Variants in KAZN observed in about 807,000 individuals in gnomAD.
The protein encoded by KAZN is kazrin, periplakin interacting protein.
KAZN carries 40 observed loss-of-function variants against 87.4 expected under a neutral mutation model. That is an observed-to-expected ratio of 0.46 (90% CI 0.36 to 0.60). The LOEUF is 0.60. Among genes scored for constraint, KAZN ranks in the 20% least tolerant of loss-of-function variants. The pLI is 0.00. For synonymous variants in KAZN, 466 were observed against 458.3 expected, an observed-to-expected ratio of 1.02 and a Z score of -0.22; for missense variants, 898 against 1,073.9, an observed-to-expected ratio of 0.84 and a Z score of 2.29.
At chr1:14,433,173 T>G (rs1055531849) in intron 2 of KAZN, among the ~76,000 whole-genome samples, 19 of 152,168 alleles carry the variant, frequency 1.2e-4, no homozygotes, top group Non-Finnish European at 1.2e-4. Context: ...TGCAGACACC[T>G]GTGACGCCAC....
chr1:14,379,684 A>T (rs944511132), intron 2 of KAZN, among the ~76,000 whole-genome samples: 1 of 152,038 alleles, frequency 6.6e-6, no homozygotes, highest in Non-Finnish European at 1.5e-5. Context: ...AAAGAATGGG[A>T]AGGACTGTGT....
At chr1:14,433,570 ACAG>A (rs1666205552) in intron 2 of KAZN, among the ~76,000 whole-genome samples, 1 of 152,176 alleles carries the variant, frequency 6.6e-6, no homozygotes, top group Non-Finnish European at 1.5e-5. Flanking sequence ...CTAAAAAGAG[ACAG>A]CAGGCTGGGC....
intron 1 of KAZN, among the ~76,000 whole-genome samples, chr1:13,906,733 A>G (rs562052456): frequency 1.3e-5 from 2 of 152,186 alleles, no homozygotes; most frequent in Non-Finnish European, 2.9e-5. Context: ...TGTCTCAGGG[A>G]CTCACTCTGT....
chr1:14,489,482 CAA>C (rs1256590442), intron 2 of KAZN, among the ~76,000 whole-genome samples: 1 of 152,060 alleles, frequency 6.6e-6, no homozygotes, highest in African/African-American at 2.4e-5. Context: ...GTAATCCTAA[CAA>C]ACACTTTGAG....
Position 14,090,879 on chromosome 1 carries a change from C to T in KAZN, c.92-89556C>T, listed in dbSNP as rs141873013. 4.0e-3 allele frequency among the ~76,000 whole-genome samples: 601 copies of T among 152,086 alleles called. 10 individuals carry two copies. The South Asian group carries it at 0.066, about 17-fold the overall frequency. ...CTGTAATCCCAGCACTTTGGGAGGC[C>T]GCGGTGGGTGGATCAAGAGGTCAGG... On this transcript the variant is annotated intron_variant, in intron 1 of 16. Coordinates refer to the KAZN transcript ENST00000636203.
intron 2 of KAZN, among the ~76,000 whole-genome samples, chr1:14,578,354 T>C (rs570735780): frequency 2.6e-4 from 40 of 152,132 alleles, no homozygotes; most frequent in African/African-American, 7.2e-5. Flanking sequence ...GCCCGTGATA[T>C]TTCAGTCCCT....
intron 1 of KAZN, among the ~76,000 whole-genome samples, chr1:14,016,046 C>T (rs1640556925): frequency 6.6e-6 from 1 of 152,100 alleles, no homozygotes; most frequent in African/African-American, 2.4e-5. Flanking sequence ...CTCTATGTCT[C>T]TTTAAGAATG....
Position 15,096,473 on chromosome 1 carries a change from G to A in KAZN, c.1547+1540G>A, listed in dbSNP as rs551745706. Among the ~76,000 whole-genome samples, 29 of 152,292 alleles carry A rather than the reference G, an allele frequency of 1.9e-4. No individual in the cohort carries two copies. In the East Asian group the frequency reaches 4.3e-3, roughly 22 times the overall value. ...TGCGGCCTGCCCAGCCCCTGCCCCC[G>A]ACAGCCTCGTCCCCCAGCATGGCCT... On this transcript the variant is annotated intron_variant, in intron 10 of 14. Transcript: ENST00000376030. The surrounding 1 kb of genome is among the most constrained non-coding windows in gnomAD (Gnocchi z 4.5).
intron 8 of KAZN, among the ~76,000 whole-genome samples, chr1:15,091,629 C>G (rs895570826): frequency 6.6e-6 from 1 of 152,232 alleles, no homozygotes; most frequent in African/African-American, 2.4e-5. Flanking sequence ...CAGGCGTGAG[C>G]CACCGCACCC....
At chr1:14,186,286 C>T (rs78520503) in intron 2 of KAZN, among the ~76,000 whole-genome samples, 7,528 of 152,028 alleles carry the variant, frequency 0.05, 275 homozygotes, top group Non-Finnish European at 0.077. Flanking sequence ...AAGCAGGATA[C>T]GAAATAGTAA....
chr1:13,989,619 T>C (rs1026536157), intron 1 of KAZN, among the ~76,000 whole-genome samples: 1 of 152,182 alleles, frequency 6.6e-6, no homozygotes, highest in Non-Finnish European at 1.5e-5. Context: ...TTTTACTCTA[T>C]GTAGTATTCT....
At chr1:14,328,911 A>G (rs905001063) in intron 2 of KAZN, among the ~76,000 whole-genome samples, 2 of 152,182 alleles carry the variant, frequency 1.3e-5, no homozygotes, top group African/African-American at 4.8e-5. Context: ...AAGCATTAGC[A>G]AAATAATGAC....
At chr1:14,941,674 T>C (rs575974838) in intron 1 of KAZN, among the ~76,000 whole-genome samples, 55 of 152,204 alleles carry the variant, frequency 3.6e-4, no homozygotes, top group African/African-American at 1.3e-3. Context: ...TCTCCAGAGA[T>C]CAGGAGCAGG....
chr1:14,133,365 C>CA (rs779709247), intron 1 of KAZN, among the ~76,000 whole-genome samples: 421 of 26,550 alleles, frequency 0.016, 18 homozygotes, highest in African/African-American at 0.056. Flanking sequence ...GACTCCCTCT[C>CA]AAAAAAAAAA....
chr1:14,914,944 A>G (rs940783504), intron 1 of KAZN, among the ~76,000 whole-genome samples: 5 of 152,164 alleles, frequency 3.3e-5, no homozygotes, highest in African/African-American at 1.2e-4. Context: ...TAATCCCAGC[A>G]CTTTGGGAGG....
chr1:14,341,318 G>A (rs965118634), intron 2 of KAZN, among the ~76,000 whole-genome samples: 3 of 152,302 alleles, frequency 2.0e-5, no homozygotes, highest in East Asian at 1.9e-4. Context: ...GATGTGACAG[G>A]CACCTGCAGT....
chr1:15,091,485 C>T (rs1557791565), intron 8 of KAZN, among the ~76,000 whole-genome samples: 2 of 152,202 alleles, frequency 1.3e-5, no homozygotes, highest in African/African-American at 4.8e-5. Context: ...GCTGGGACTA[C>T]AGGCGTGTGC....
intron 1 of KAZN, among the ~76,000 whole-genome samples, chr1:14,858,539 C>A (rs1650442347): frequency 6.6e-6 from 1 of 152,188 alleles, no homozygotes; most frequent in Non-Finnish European, 1.5e-5. Flanking sequence ...TTTATCCATT[C>A]ATTAGCTGAC....
intron 2 of KAZN, among the ~76,000 whole-genome samples, chr1:14,200,442 A>T (rs901729032): frequency 6.6e-6 from 1 of 152,168 alleles, no homozygotes; most frequent in African/African-American, 2.4e-5. Flanking sequence ...ATGGAAAAAA[A>T]TTTTAAAAAC....
Sources: allele counts gnomAD v4.1 joint callset (sites outside exome capture counted in the v4.1 genomes callset), GRCh38; gene constraint gnomAD v4.1.1; non-coding constraint Gnocchi (gnomAD v3.1); transcripts MANE v1.5; gene names NCBI Gene and HGNC (gene_info 2026-07-23, HGNC 2026-07-21).